Variants in KRABD2 observed in about 807,000 individuals in gnomAD.
KRABD2 encodes the protein KRAB domain-containing protein 2.
At chr17:8,360,265 C>CT in the KRABD2 span, among the ~76,000 whole-genome samples, 3 of 151,646 alleles carry the variant, frequency 2.0e-5, no homozygotes, top group East Asian at 1.9e-4. Flanking sequence ...AAGGGAAACT[C>CT]TAACTAGATC....
chr17:8,376,422 C>G, the KRABD2 span: 1 of 1,077,690 alleles, frequency 9.3e-7, no homozygotes, highest in Non-Finnish European at 1.1e-6. Flanking sequence ...GCACTTAATA[C>G]AGTGTCCCCT....
At chr17:8,363,848 T>TATG in the KRABD2 span, among the ~76,000 whole-genome samples, 1 of 89,880 alleles carries the variant, frequency 1.1e-5, no homozygotes, top group East Asian at 3.0e-4. Flanking sequence ...TATATATATA[T>TATG]ATATATATAT....
chr17:8,374,568 G>A, the KRABD2 span, among the ~76,000 whole-genome samples: 4 of 139,682 alleles, frequency 2.9e-5, no homozygotes, highest in African/African-American at 1.1e-4. Flanking sequence ...CTCCACTATT[G>A]TCCTATGACC....
At chr17:8,364,529 T>G in the KRABD2 span, among the ~76,000 whole-genome samples, 1 of 152,120 alleles carries the variant, frequency 6.6e-6, no homozygotes, top group East Asian at 1.9e-4. The surrounding 1 kb of genome is among the most constrained non-coding windows in gnomAD (Gnocchi z 4.4). Context: ...TGGCCTTTCT[T>G]CAGCAGTGGG....
chr17:8,369,382 T>C, the KRABD2 span: 124 of 1,614,108 alleles, frequency 7.7e-5, no homozygotes, highest in Non-Finnish European at 1.0e-4. Flanking sequence ...TAGCCAAACA[T>C]TGCCTCAAAT....
chr17:8,359,498 G>T, the KRABD2 span: 1 of 437,072 alleles, frequency 2.3e-6, no homozygotes, highest in South Asian at 1.6e-5. Context: ...CTCTTTATTT[G>T]TTGGTACCAC....
chr17:8,359,027 C>G, the KRABD2 span, among the ~76,000 whole-genome samples: 1 of 152,188 alleles, frequency 6.6e-6, no homozygotes, highest in Non-Finnish European at 1.5e-5. Flanking sequence ...TTCCCAGTGT[C>G]TCTAGCCTAC....
chr17:8,362,287 G>A, the KRABD2 span, among the ~76,000 whole-genome samples: 186 of 151,620 alleles, frequency 1.2e-3, no homozygotes, highest in African/African-American at 4.2e-3. The surrounding 1 kb of genome is among the most constrained non-coding windows in gnomAD (Gnocchi z 4.2). Context: ...CCAAGATTGC[G>A]CCACTGCACT....
the KRABD2 span, chr17:8,359,956 G>C: frequency 2.5e-6 from 1 of 400,580 alleles, no homozygotes; most frequent in Non-Finnish European, 5.0e-6. Flanking sequence ...GGAGGAAAGA[G>C]GCAAACATCT....
the KRABD2 span, chr17:8,373,471 C>G: frequency 5.3e-6 from 1 of 187,976 alleles, no homozygotes; most frequent in Non-Finnish European, 1.1e-5. Flanking sequence ...CTCGCTCACT[C>G]AGTGCTCAAT....
the KRABD2 span, chr17:8,370,358 A>C: frequency 6.3e-7 from 1 of 1,592,466 alleles, no homozygotes; most frequent in Non-Finnish European, 8.5e-7. Flanking sequence ...CAGCTCTCTG[A>C]GGCATCATGG....
At chr17:8,370,747 T>C in the KRABD2 span, among the ~76,000 whole-genome samples, 1 of 152,222 alleles carries the variant, frequency 6.6e-6, no homozygotes, top group Non-Finnish European at 1.5e-5. Context: ...GGCTAAAATC[T>C]TACCCTCAGT....
the KRABD2 span, chr17:8,376,663 T>A: frequency 1.0e-6 from 1 of 985,122 alleles, no homozygotes; most frequent in Non-Finnish European, 1.2e-6. Context: ...AGACGCGGCG[T>A]CTGAATCCCC....
the KRABD2 span, chr17:8,359,962 C>T: frequency 2.5e-6 from 1 of 395,168 alleles, no homozygotes; most frequent in Admixed American, 2.9e-5. Context: ...AAGAGGCAAA[C>T]ATCTGGCCAC....
At chr17:8,364,732 TA>T in the KRABD2 span, among the ~76,000 whole-genome samples, 54 of 147,654 alleles carry the variant, frequency 3.7e-4, no homozygotes, top group African/African-American at 1.0e-3. This position sits in a 1 kb window ranked among gnomAD's most constrained non-coding sequence, Gnocchi z 4.4. Flanking sequence ...GGCAATTAAT[TA>T]AAAAAAAAAA....
At chr17:8,361,496 A>T in the KRABD2 span, among the ~76,000 whole-genome samples, 1 of 152,234 alleles carries the variant, frequency 6.6e-6, no homozygotes, top group African/African-American at 2.4e-5. Flanking sequence ...TGATGCCTTA[A>T]TTCCAAAGCT....
chr17:8,359,087 G>A, the KRABD2 span, among the ~76,000 whole-genome samples: 10 of 152,272 alleles, frequency 6.6e-5, no homozygotes, highest in Middle Eastern at 3.4e-3. Flanking sequence ...CAACATTGCC[G>A]TTTTTTAAAG....
At chr17:8,363,843 ATATATATATATATATATATTTATT>A in the KRABD2 span, among the ~76,000 whole-genome samples, 18 of 82,030 alleles carry the variant, frequency 2.2e-4, 1 homozygote, top group South Asian at 3.4e-4. Flanking sequence ...ATATATATAT[ATATATATATATATATATATTTATT>A]TATTTATTTA....
At chr17:8,376,660 G>T in the KRABD2 span, 2 of 985,002 alleles carry the variant, frequency 2.0e-6, no homozygotes, top group Non-Finnish European at 2.4e-6. Context: ...ACCAGACGCG[G>T]CGTCTGAATC....
Sources: gnomAD v4.1 joint callset for allele counts (sites outside exome capture counted in the v4.1 genomes callset) on GRCh38, gnomAD v4.1.1 for gene constraint, Gnocchi (gnomAD v3.1) non-coding constraint, MANE v1.5 for transcripts, NCBI Gene and HGNC (gene_info 2026-07-23, HGNC 2026-07-21) for gene names.